Variants in ZFYVE9 observed in about 807,000 individuals in gnomAD.
The protein encoded by ZFYVE9 is zinc finger FYVE domain-containing protein 9.
A neutral mutation model predicts 126.7 loss-of-function variants in ZFYVE9; 43 were observed. The observed-to-expected ratio is 0.34, with a 90% CI of 0.27 to 0.44. The LOEUF (loss-of-function observed/expected upper bound fraction) is 0.44. ZFYVE9 is among the 20% of genes least tolerant of loss of function. ZFYVE9 has a pLI of 1.00. For synonymous variants in ZFYVE9, 521 were observed against 597.4 expected (o/e 0.87, Z 1.87); for missense variants, 1,476 against 1,697.0 (o/e 0.87, Z 2.29).
intron 3 of ZFYVE9, among the ~76,000 whole-genome samples, chr1:52,237,040 A>T (rs776622268): frequency 6.6e-5 from 10 of 152,126 alleles, no homozygotes; most frequent in Admixed American, 3.3e-4. Context: ...ATCTCTCTCA[A>T]ACCCACATCC....
chr1:52,168,129 C>A (rs764612896), intron 1 of ZFYVE9, among the ~76,000 whole-genome samples: 16 of 151,248 alleles, frequency 1.1e-4, no homozygotes, highest in South Asian at 8.4e-4. Context: ...TTATTAAAAT[C>A]TGTCATAAAG....
chr1:52,181,664 A>G (rs1572080415), intron 1 of ZFYVE9, among the ~76,000 whole-genome samples: 1 of 140,848 alleles, frequency 7.1e-6, no homozygotes, highest in Non-Finnish European at 1.5e-5. Flanking sequence ...CCGCCATCCC[A>G]TCTAGGAAGT....
chr1:52,247,007 C>T (rs1645393183), intron 4 of ZFYVE9, among the ~76,000 whole-genome samples: 1 of 151,906 alleles, frequency 6.6e-6, no homozygotes, highest in African/African-American at 2.4e-5. Flanking sequence ...TGTGCCCGGC[C>T]ACTAATTTTT....
At chr1:52,255,534 G>A (rs1244195705) in intron 4 of ZFYVE9, among the ~76,000 whole-genome samples, 2 of 148,242 alleles carry the variant, frequency 1.3e-5, no homozygotes, top group African/African-American at 5.0e-5. Flanking sequence ...GCGGTGAGCC[G>A]AGATCGCACC....
intron 4 of ZFYVE9, among the ~76,000 whole-genome samples, chr1:52,251,131 G>A (rs750054010): frequency 1.3e-5 from 2 of 151,998 alleles, no homozygotes; most frequent in Non-Finnish European, 2.9e-5. Flanking sequence ...GAGTGCAGTG[G>A]CGCGATCTTG....
intron 1 of ZFYVE9, among the ~76,000 whole-genome samples, chr1:52,173,615 G>T (rs1644593852): frequency 6.6e-6 from 1 of 152,138 alleles, no homozygotes; most frequent in Non-Finnish European, 1.5e-5. Flanking sequence ...GAATTCGGCT[G>T]TGAATCCATC....
In ZFYVE9 at chr1:52,340,129, C is replaced by T. The variant is rs373689197; in HGVS notation, c.3837C>T (p.Val1279=). The T allele has an allele frequency of 5.1e-5, 82 of 1,611,558 alleles. No individual in the cohort carries two copies. Among genetic ancestry groups the T allele is most frequent in the Non-Finnish European group, 6.3e-5 (74 of 1,178,052 alleles). Residue 1279 remains valine, a synonymous_variant, in exon 17 of 19, where the codon GTC becomes GTT. Coordinates refer to ENST00000287727, the MANE Select transcript of ZFYVE9 (RefSeq NM_004799.4). The part of the protein sequence containing the change: ...VDDDKNVSKG[V]VSPIDGKSME... ...CTTTCCTTTGCCTCTATTTTAGTGT[C>T]GTAAGTCCTATAGATGGGAAGTCCA...
intron 1 of ZFYVE9, among the ~76,000 whole-genome samples, chr1:52,155,640 T>A (rs1042082252): frequency 6.6e-6 from 1 of 152,176 alleles, no homozygotes; most frequent in Non-Finnish European, 1.5e-5. Flanking sequence ...TTCCCACCAT[T>A]GGTACCTCCA....
At chr1:52,236,937 T>C (rs1645278060) in intron 3 of ZFYVE9, among the ~76,000 whole-genome samples, 1 of 152,034 alleles carries the variant, frequency 6.6e-6, no homozygotes, top group Non-Finnish European at 1.5e-5. Flanking sequence ...CACTCCCTGC[T>C]TCATTCTTAT....
intron 13 of ZFYVE9, among the ~76,000 whole-genome samples, chr1:52,322,154 C>T (rs1446732948): frequency 6.6e-6 from 1 of 152,176 alleles, no homozygotes; most frequent in African/African-American, 2.4e-5. Flanking sequence ...AAGCCCAAAA[C>T]TTTAGAGTCA....
chr1:52,142,271 G>T lies in ZFYVE9; in HGVS notation c.-275G>T, dbSNP rs1341628021. On this transcript the variant is annotated 5_prime_UTR_variant, in exon 1 of 19. Coordinates refer to ENST00000287727, the MANE Select transcript of ZFYVE9 (RefSeq NM_004799.4). This position sits in a 1 kb window ranked among gnomAD's most constrained non-coding sequence, Gnocchi z 4.5. ...AGCAGCAGTAGCAGCCGCAGCTGCG[G>T]CTACCGCAGCTCCTACAGGAGTGGG... 6.6e-6 allele frequency: 1 copy of T among 151,692 alleles called. No homozygotes were observed. Among genetic ancestry groups the T allele is most frequent in the Non-Finnish European group, 1.5e-5 (1 of 67,860 alleles). 9.4% of individuals were successfully genotyped at this position (151,692 alleles called of 1,614,324 possible).
chr1:52,335,631 T>A (rs918782102), intron 15 of ZFYVE9, among the ~76,000 whole-genome samples: 8 of 152,156 alleles, frequency 5.3e-5, no homozygotes, highest in Non-Finnish European at 1.2e-4. Flanking sequence ...TGACCCACCC[T>A]TTAAAGTTAT....
chr1:52,266,010 A>C (rs1645629479), intron 5 of ZFYVE9, among the ~76,000 whole-genome samples: 1 of 152,194 alleles, frequency 6.6e-6, no homozygotes, highest in Non-Finnish European at 1.5e-5. Context: ...TCTTAAGGAA[A>C]TGTTTGGTCT....
intron 1 of ZFYVE9, among the ~76,000 whole-genome samples, chr1:52,197,628 T>C (rs1001422607): frequency 2.0e-5 from 3 of 151,788 alleles, no homozygotes; most frequent in African/African-American, 7.3e-5. Context: ...TAAGAATTTG[T>C]AGTATCACAC....
chr1:52,293,674 C>T lies in ZFYVE9; in HGVS notation c.3247C>T (p.Arg1083Ter). ...GATGTTGAGACTTGGAGCTGAATATCGACGTAAGTAGTAAAAACACGTTTT... is the reference window on the plus strand; with the variant it reads ...GATGTTGAGACTTGGAGCTGAATATTGACGTAAGTAGTAAAAACACGTTTT... Reference protein sequence around the residue: ...RLMLRLGAEYRLYPCPLFSVR... With the variant: ...RLMLRLGAEY Residue 1083 changes from arginine (R) to a stop codon, truncating the protein, a stop_gained, in exon 11 of 19, where the codon CGA (arginine) becomes TGA (stop). Coordinates refer to ENST00000287727, the MANE Select transcript of ZFYVE9 (RefSeq NM_004799.4). LOFTEE classifies it high-confidence loss of function. 6.2e-7 allele frequency: 1 copy of T among 1,613,274 alleles called. No homozygotes were observed. Among genetic ancestry groups the T allele is most frequent in the Non-Finnish European group, 8.5e-7 (1 of 1,179,534 alleles).
chr1:52,263,196 T>C (rs903870476), intron 4 of ZFYVE9, among the ~76,000 whole-genome samples: 2 of 151,824 alleles, frequency 1.3e-5, no homozygotes, highest in Admixed American at 6.6e-5. Flanking sequence ...AAGGTGGAAA[T>C]TGGCATGGCA....
chr1:52,239,494 GC>G lies in ZFYVE9; in HGVS notation c.2078del (p.Ala693ValfsTer14). Reference sequence around the variant, plus strand: ...GCCATTCACCACTCTGGGTGAGGTGGCTCCAGTATGGGTACCGGATTCTCAG... The same window carrying G: ...GCCATTCACCACTCTGGGTGAGGTGGTCCAGTATGGGTACCGGATTCTCAG... ...RKPFTTLGEV[A>X]PVWVPDSQAP... is the part of the protein sequence containing the mutation. On this transcript the variant is annotated frameshift_variant, in exon 4 of 19. Coordinates refer to ENST00000287727, the MANE Select transcript of ZFYVE9 (RefSeq NM_004799.4). LOFTEE classifies it high-confidence loss of function. 1 of 1,614,126 alleles carries G rather than the reference GC, an allele frequency of 6.2e-7. No individual in the cohort carries two copies. Among genetic ancestry groups the G allele is most frequent in the Non-Finnish European group, 8.5e-7 (1 of 1,180,008 alleles).
intron 10 of ZFYVE9, among the ~76,000 whole-genome samples, chr1:52,292,138 T>A (rs796085486): frequency 6.6e-6 from 1 of 151,620 alleles, no homozygotes; most frequent in Non-Finnish European, 1.5e-5. Flanking sequence ...AAAAATCAGC[T>A]GAGTGTGGTG....
Position 52,238,755 on chromosome 1 carries a change from T to C in ZFYVE9, c.1338T>C (p.Gly446=), listed in dbSNP as rs183094019. The part of the protein sequence containing the change: ...GGQCVGLADA[G]LDLKGTCISE... ...AGTGTGTTGGATTGGCAGATGCAGG[T>C]CTAGATTTAAAAGGAACTTGCATTA... The change falls in exon 4 of 19, where the codon GGT becomes GGC. Residue 446 remains glycine (G), a synonymous_variant. Transcript: ENST00000287727. 1.2e-6 allele frequency: 2 copies of C among 1,614,026 alleles called. No homozygotes were observed. Among genetic ancestry groups the C allele is most frequent in the Admixed American group, 3.3e-5 (2 of 60,004 alleles).
Sources: gnomAD v4.1 joint callset for allele counts (sites outside exome capture counted in the v4.1 genomes callset) on GRCh38, gnomAD v4.1.1 for gene constraint, Gnocchi (gnomAD v3.1) non-coding constraint, MANE v1.5 for transcripts, NCBI Gene and HGNC (gene_info 2026-07-23, HGNC 2026-07-21) for gene names.